PKD1: variants seen among roughly 807,000 people sequenced by gnomAD.
The protein encoded by PKD1 is polycystin-1.
In PKD1, 81 loss-of-function variants were observed where a neutral mutation model predicts 361.7. The ratio of observed to expected loss-of-function variants is 0.22; its 90% CI spans 0.19 to 0.27. PKD1 has a LOEUF of 0.27. Ranked by LOEUF, PKD1 falls within the 10% of genes least tolerant of loss-of-function variation. The pLI is 1.00. For synonymous variants in PKD1, 3,615 were observed against 2,818.3 expected, an observed-to-expected ratio of 1.28 and a Z score of -8.95; for missense variants, 6,399 against 6,118.3, an observed-to-expected ratio of 1.05 and a Z score of -1.53.
Position 2,110,968 on chromosome 16 carries a change from A to T in PKD1, c.4199T>A (p.Leu1400Gln), listed in dbSNP as rs1419113032. 1.2e-6 allele frequency: 2 copies of T among 1,610,548 alleles called. No individual in the cohort carries two copies. The highest frequency in any genetic ancestry group is 1.7e-6 in the Non-Finnish European group (2 of 1,179,602). The change falls in exon 15 of 46, where the codon CTG becomes CAG. Residue 1400 changes from leucine to glutamine, a missense_variant. Physicochemically the swap from Leu to Gln is moderately radical, Grantham distance 113. Coordinates refer to ENST00000262304, the MANE Select transcript of PKD1 (RefSeq NM_001009944.3). ...GAACGGGGGCCAGGCACATGCCACCAGCCAGGCCTCGTCCCCGAGCTGCAC... is the reference window on the plus strand; with the variant it reads ...GAACGGGGGCCAGGCACATGCCACCTGCCAGGCCTCGTCCCCGAGCTGCAC... The part of the protein sequence containing the change: ...QFVQLGDEAW[L>Q]VACAWPPFPY...
Position 2,112,735 on chromosome 16 carries a change from G to C in PKD1, c.3161+53C>G, listed in dbSNP as rs150105509. 3,487 of 1,565,980 alleles carry C rather than the reference G, an allele frequency of 2.2e-3. 8 individuals are homozygous for C. Among genetic ancestry groups the C allele is most frequent in the Non-Finnish European group, 2.5e-3 (2,878 of 1,153,340 alleles). On this transcript the variant is annotated intron_variant, in intron 13 of 45. Transcript: ENST00000262304. ...TGTGGGGGTCCCTCGGCTGAGGCTG[G>C]GGCTGGGACAAGAGCCTGGTGCCCA...
In PKD1 at chr16:2,089,368, GGCTAA is replaced by G. The variant is rs2091339494; in HGVS notation, c.*354_*358del. 1 of 390,932 alleles carries G rather than the reference GGCTAA, an allele frequency of 2.6e-6. No homozygotes were observed. The highest frequency in any genetic ancestry group is 4.1e-5 in the Admixed American group (1 of 24,350). 24.2% of individuals were successfully genotyped at this position (390,932 alleles called of 1,614,324 possible). A position where few individuals can be genotyped will look rare whatever the true frequency, so the allele number is the denominator to read the frequency against. On this transcript the variant is annotated 3_prime_UTR_variant, in exon 46 of 46. Coordinates refer to ENST00000262304, the MANE Select transcript of PKD1 (RefSeq NM_001009944.3). ...TTAGGGGCAGGGTGGCGGCGGTGCA[GGCTAA>G]CCCTCCCTGAAGCCAGCAGCCTTAG...
At chr16:2,119,423 G>C in intron 1 of PKD1, 45 bp from the exon 2 acceptor site, 2 of 1,307,098 alleles carry the variant, frequency 1.5e-6, no homozygotes, top group Non-Finnish European at 2.1e-6. Flanking sequence ...CCCCTAGTAG[G>C]CCAGAGGCCA....
rs965933883 is a variant in PKD1, at chr16:2,091,415, G to C, written c.11712+8C>G. 9 of 1,142,058 alleles carry C rather than the reference G, an allele frequency of 7.9e-6. No individual in the cohort carries two copies. The highest frequency in any genetic ancestry group is 3.7e-4 in the Middle Eastern group (1 of 2,706). 70.7% of individuals were successfully genotyped at this position (1,142,058 alleles called of 1,614,324 possible). On this transcript the variant is annotated splice_region_variant and intron_variant, in intron 42 of 45. Coordinates refer to ENST00000262304, the MANE Select transcript of PKD1 (RefSeq NM_001009944.3). Reference sequence around the variant, plus strand: ...GGAGGCGCGGGGTCTGGCCGGGGACGGGCGTACCGAGGTGAGCAGAGGCAG... The same window carrying C: ...GGAGGCGCGGGGTCTGGCCGGGGACCGGCGTACCGAGGTGAGCAGAGGCAG...
chr16:2,117,109 C>G, intron 6 of PKD1, 56 bp from the exon 7 acceptor site: 4 of 757,440 alleles, frequency 5.3e-6, no homozygotes, highest in Non-Finnish European at 8.7e-6. Context: ...TCCTCCCACC[C>G]TCACAGCAGC....
chr16:2,091,791 G>C lies in PKD1; in HGVS notation c.11527C>G (p.Leu3843Val). 6.2e-7 allele frequency: 1 copy of C among 1,610,850 alleles called. No individual in the cohort carries two copies. The highest frequency in any genetic ancestry group is 8.5e-7 in the Non-Finnish European group (1 of 1,179,484). Residue 3843 changes from leucine (L) to valine (V), a missense_variant, in exon 41 of 46, where the codon CTG becomes GTG. Physicochemically the swap from Leu to Val is conservative, Grantham distance 32. Coordinates refer to ENST00000262304, the MANE Select transcript of PKD1 (RefSeq NM_001009944.3). ...GGAGGGAGCTCCCACCTGTTGTCCAGCCAGTTGTGCAGCTGCAGGAAGCGC... is the reference window on the plus strand; with the variant it reads ...GGAGGGAGCTCCCACCTGTTGTCCACCCAGTTGTGCAGCTGCAGGAAGCGC... ...RLRFLQLHNW[L>V]DNRSRAVFLE...
chr16:2,114,689 G>A lies in PKD1; in HGVS notation c.2334C>T (p.Leu778=), dbSNP rs779480301. 1.3e-6 allele frequency: 2 copies of A among 1,538,300 alleles called. No homozygotes were observed. Among genetic ancestry groups the A allele is most frequent in the East Asian group, 4.9e-5 (2 of 41,164 alleles). ...ALRLLAATEQ[L]TVLLGLRPNP... is the part of the protein sequence containing the mutation. ...TGGGCCTCAAGCCCAGCAGCACGGTGAGCTGTTCCGTGGCTGCAAGCAGCC... is the reference window on the plus strand; with the variant it reads ...TGGGCCTCAAGCCCAGCAGCACGGTAAGCTGTTCCGTGGCTGCAAGCAGCC... Residue 778 remains leucine, a synonymous_variant, in exon 11 of 46, where the codon CTC becomes CTT. Transcript: ENST00000262304.
rs1157840279 is a variant in PKD1, at chr16:2,118,342, G to A, written c.650C>T (p.Thr217Ile). 6 of 1,454,830 alleles carry A rather than the reference G, an allele frequency of 4.1e-6. No individual in the cohort carries two copies. The highest frequency in any genetic ancestry group is 4.7e-6 in the Non-Finnish European group (5 of 1,074,952). The allele number at this position is 1,454,830 out of a possible 1,614,324, so 90.1% of individuals were successfully genotyped here. Reference sequence around the variant, plus strand: ...CGAGAGGGCTGCGAGGCCCTGGCCGGTGGAGAAGCAGAAGGCGCTGCAGGC... The same window carrying A: ...CGAGAGGGCTGCGAGGCCCTGGCCGATGGAGAAGCAGAAGGCGCTGCAGGC... ...PEACSAFCFS[T>I]GQGLAALSEQ... Residue 217 changes from threonine to isoleucine, a missense_variant, in exon 5 of 46, where the codon ACC becomes ATC. By Grantham distance (89) the Thr-to-Ile change is moderately conservative. Coordinates refer to ENST00000262304, the MANE Select transcript of PKD1 (RefSeq NM_001009944.3). This position sits in a 1 kb window ranked among gnomAD's most constrained non-coding sequence, Gnocchi z 6.0.
At chr16:2,096,769 G>A (rs995180030) in intron 34 of PKD1, 8 of 242,194 alleles carry the variant, frequency 3.3e-5, no homozygotes, top group South Asian at 2.3e-4. Flanking sequence ...TGCCCACCTC[G>A]GCCTCCCAAA....
intron 30 of PKD1, among the ~76,000 whole-genome samples, chr16:2,098,599 C>T (rs1353760111): frequency 3.4e-5 from 5 of 145,298 alleles, no homozygotes; most frequent in Non-Finnish European, 6.0e-5. Flanking sequence ...CTCCTGGTCG[C>T]GGCTTATGCG....
chr16:2,103,818 T>A lies in PKD1; in HGVS notation c.8239A>T (p.Met2747Leu). ...AGGTTGTAGGCCTGGGACGCCACCA[T>A]CCGAGATGGTGACTCGGCTCCCAGC... ...SELGAESPSR[M>L]VASQAYNLTS... The change falls in exon 23 of 46, where the codon ATG becomes TTG. Residue 2747 changes from methionine to leucine, a missense_variant. Transcript: ENST00000262304. The A allele has an allele frequency of 6.2e-7, 1 of 1,608,464 alleles. No individual in the cohort carries two copies. The highest frequency in any genetic ancestry group is 8.5e-7 in the Non-Finnish European group (1 of 1,179,200).
chr16:2,114,057 C>T (rs989522392), intron 11 of PKD1, 113 bp downstream of exon 11: 1 of 931,132 alleles, frequency 1.1e-6, no homozygotes, highest in Non-Finnish European at 1.6e-6. Flanking sequence ...GGCCGACGTC[C>T]CCAGTAACTG....
intron 23 of PKD1, 131 bp downstream of exon 23, chr16:2,103,135 G>A: frequency 5.3e-6 from 7 of 1,315,898 alleles, no homozygotes; most frequent in Admixed American, 2.0e-5. Flanking sequence ...GCTCCTCTCT[G>A]GCCAGGCCCC....
Position 2,105,891 on chromosome 16 carries a change from A to C in PKD1, c.7837T>G (p.Leu2613Val). The change falls in exon 20 of 46, where the codon TTG (leucine) becomes GTG (valine). Residue 2613 changes from leucine (L) to valine (V), a missense_variant. Leu to Val is a conservative substitution (Grantham distance 32). Coordinates refer to ENST00000262304, the MANE Select transcript of PKD1 (RefSeq NM_001009944.3). ...TCGTTCAGCACGGTGACCAGGGCCA[A>C]CGAGTACTCGATGACGTGCTGGGGA... The part of the protein sequence containing the change: ...ADPQHVIEYS[L>V]ALVTVLNEYE... 6.3e-7 allele frequency: 1 copy of C among 1,595,006 alleles called. No homozygotes were observed. The highest frequency in any genetic ancestry group is 2.2e-5 in the East Asian group (1 of 44,876).
rs1323673997 is a variant in PKD1, at chr16:2,091,436, G to A, written c.11699C>T (p.Pro3900Leu). Residue 3900 changes from proline to leucine, a missense_variant, in exon 42 of 46, where the codon CCT becomes CTT. Transcript: ENST00000262304. ...LRRLSAGLSL[P>L]LLTSVCLLLF... Reference sequence around the variant, plus strand: ...GGACGGGCGTACCGAGGTGAGCAGAGGCAGCGAGAGGCCCGCGCTGAGGCG... The same window carrying A: ...GGACGGGCGTACCGAGGTGAGCAGAAGCAGCGAGAGGCCCGCGCTGAGGCG... The A allele has an allele frequency of 1.7e-6, 2 of 1,189,232 alleles. No homozygotes were observed. Among genetic ancestry groups the A allele is most frequent in the Non-Finnish European group, 1.0e-6 (1 of 958,676 alleles). 73.7% of individuals were successfully genotyped at this position (1,189,232 alleles called of 1,614,324 possible). A position where few individuals can be genotyped will look rare whatever the true frequency, so the allele number is the denominator to read the frequency against.
intron 26 of PKD1, among the ~76,000 whole-genome samples, chr16:2,101,663 T>A (rs181670756): frequency 3.6e-4 from 55 of 152,346 alleles, no homozygotes; most frequent in African/African-American, 1.3e-3. Context: ...AGAAGGGCAA[T>A]TCCAATGAAA....
At chr16:2,113,498 A>C (rs957449215) in intron 11 of PKD1, among the ~76,000 whole-genome samples, 1 of 152,088 alleles carries the variant, frequency 6.6e-6, no homozygotes, top group African/African-American at 2.4e-5. Context: ...AGTACTACTA[A>C]TGCCTCAACC....
chr16:2,099,346 G>A (rs574293498), intron 30 of PKD1: 62 of 427,988 alleles, frequency 1.4e-4, no homozygotes, highest in South Asian at 4.7e-4. Context: ...AGTGCATTTC[G>A]GAAGCGTGCA....
chr16:2,114,212 G>C lies in PKD1; in HGVS notation c.2811C>G (p.Ala937=). The C allele has an allele frequency of 6.2e-7, 1 of 1,609,656 alleles. No homozygotes were observed. The highest frequency in any genetic ancestry group is 8.5e-7 in the Non-Finnish European group (1 of 1,179,522). ...TAEEPICGLR[A]TPSPEARVLQ... The stretch of plus-strand genomic sequence containing the variant: ...GTACACGGGCCTCGGGGCTGGGCGT[G>C]GCGCGGAGGCCACAGATGGGCTCCT... The change falls in exon 11 of 46, where the codon GCC becomes GCG. Residue 937 remains alanine (A), a synonymous_variant. Transcript: ENST00000262304.
Sources: gnomAD v4.1 joint callset for allele counts (sites outside exome capture counted in the v4.1 genomes callset) on GRCh38, gnomAD v4.1.1 for gene constraint, Gnocchi (gnomAD v3.1) non-coding constraint, MANE v1.5 for transcripts, NCBI Gene and HGNC (gene_info 2026-07-23, HGNC 2026-07-21) for gene names.